Variants in LRBA observed in about 807,000 individuals in gnomAD.
LRBA encodes the protein lipopolysaccharide-responsive and beige-like anchor protein.
A neutral mutation model predicts 330.0 loss-of-function variants in LRBA; 176 were observed. The observed-to-expected ratio is 0.53, with a 90% confidence interval of 0.47 to 0.60. LRBA has a LOEUF of 0.60. LRBA is among the 20% of genes least tolerant of loss of function. The probability of loss-of-function intolerance (pLI) is 0.00; values close to 1 mark genes in which losing one functional copy is unlikely to be tolerated. For missense variants in LRBA, 3,259 were observed against 3,444.8 expected, an observed-to-expected ratio of 0.95 and a Z score of 1.35; for synonymous variants, 1,230 against 1,193.0, an observed-to-expected ratio of 1.03 and a Z score of -0.64.
At position 150,471,788 on chromosome 4, in the gene LRBA, T is replaced by C. The variant is rs566200302; in HGVS notation, c.6552-49A>G. 11 of 859,052 alleles carry C rather than the reference T, an allele frequency of 1.3e-5. No homozygotes were observed. In the East Asian group the frequency reaches 2.4e-4, roughly 19 times the overall value. 53.2% of individuals were successfully genotyped at this position (859,052 alleles called of 1,614,324 possible). A position where few individuals can be genotyped will look rare whatever the true frequency, so the allele number is the denominator to read the frequency against. On this transcript the variant is annotated intron_variant, in intron 42 of 56. Transcript: ENST00000651943. ...GATATGATTAATTATATCACAATAA[T>C]AAATCATGAATTATCTGTGCTTATT...
At chr4:150,438,079 C>A (rs1046765938) in intron 44 of LRBA, among the ~76,000 whole-genome samples, 1 of 152,184 alleles carries the variant, frequency 6.6e-6, no homozygotes, top group African/African-American at 2.4e-5. Context: ...CTTTAAGTAA[C>A]AATTCATTCT....
In LRBA at chr4:150,828,416, A is replaced by C; in HGVS notation, c.4935T>G (p.Ser1645=). 1 of 1,614,146 alleles carries C rather than the reference A, an allele frequency of 6.2e-7. No individual in the cohort carries two copies. Among genetic ancestry groups the C allele is most frequent in the Non-Finnish European group, 8.5e-7 (1 of 1,180,014 alleles). ...TTTCCGGAGACTTATTGACTTCTAA[A>C]GAAAGAGTAGATAGCACCTCGCTGA... ...DAISEVLSTL[S]LEVNKSPETK... Residue 1645 remains serine (S), a synonymous_variant, in exon 30 of 57, where the codon TCT becomes TCG. Transcript: ENST00000651943.
chr4:150,550,163 A>G (rs1444835178), intron 40 of LRBA, among the ~76,000 whole-genome samples: 1 of 152,218 alleles, frequency 6.6e-6, no homozygotes, highest in East Asian at 1.9e-4. Context: ...GATATATTAA[A>G]ATTTTATGTA....
In LRBA at chr4:150,868,083, C is replaced by A; in HGVS notation, c.2573+99G>T. 3 of 1,248,538 alleles carry A rather than the reference C, an allele frequency of 2.4e-6. No homozygotes were observed. The East Asian group carries it at 7.1e-5, about 30-fold the overall frequency. The allele number at this position is 1,248,538 out of a possible 1,614,324, so 77.3% of individuals were successfully genotyped here. A position where few individuals can be genotyped will look rare whatever the true frequency, so the allele number is the denominator to read the frequency against. On this transcript the variant is annotated intron_variant, in intron 21 of 56. Coordinates refer to ENST00000651943, the MANE Select transcript of LRBA (RefSeq NM_001364905.1). Reference sequence around the variant, plus strand: ...CTCTTAATAAAAAAAATAGAAAAATCATTTCACAGTATTTTTAAAGCAATT... The same window carrying A: ...CTCTTAATAAAAAAAATAGAAAAATAATTTCACAGTATTTTTAAAGCAATT...
chr4:150,293,631 A>T (rs1728600211), intron 53 of LRBA, among the ~76,000 whole-genome samples: 1 of 152,246 alleles, frequency 6.6e-6, no homozygotes, highest in Non-Finnish European at 1.5e-5. Flanking sequence ...AACAACTGTA[A>T]GTCCTTGGTA....
At chr4:150,832,438 A>T (rs928104982) in intron 28 of LRBA, among the ~76,000 whole-genome samples, 23 of 152,144 alleles carry the variant, frequency 1.5e-4, no homozygotes, top group Non-Finnish European at 1.8e-4. Context: ...TCTACTAAAA[A>T]TACAAAAATT....
chr4:150,434,254 C>A (rs1256603014), intron 46 of LRBA, among the ~76,000 whole-genome samples: 1 of 151,952 alleles, frequency 6.6e-6, no homozygotes, highest in Non-Finnish European at 1.5e-5. Context: ...GTACACCTTG[C>A]AGAAAGAGAC....
At chr4:150,648,286 T>C (rs1779395296) in intron 37 of LRBA, among the ~76,000 whole-genome samples, 1 of 151,526 alleles carries the variant, frequency 6.6e-6, no homozygotes, top group Admixed American at 6.6e-5. Context: ...ATACAGTGGT[T>C]TTGACAAAGA....
intron 33 of LRBA, 27 bp from the exon 34 acceptor site, chr4:150,798,169 A>C: frequency 7.0e-7 from 1 of 1,430,190 alleles, no homozygotes; most frequent in Non-Finnish European, 9.8e-7. Context: ...TTTAAAAAAG[A>C]AGTTATAAAG....
intron 34 of LRBA, among the ~76,000 whole-genome samples, chr4:150,795,879 A>G (rs1437715666): frequency 6.6e-6 from 1 of 152,004 alleles, no homozygotes; most frequent in Non-Finnish European, 1.5e-5. Flanking sequence ...TAACACAAAA[A>G]GAATATAAGT....
At chr4:150,690,672 C>T (rs1195565960) in intron 36 of LRBA, among the ~76,000 whole-genome samples, 2 of 48,900 alleles carry the variant, frequency 4.1e-5, no homozygotes, top group African/African-American at 8.4e-5. Flanking sequence ...CCTGGCTATC[C>T]ACATGAGAAA....
intron 17 of LRBA, among the ~76,000 whole-genome samples, chr4:150,890,826 G>A (rs1729386222): frequency 6.6e-6 from 1 of 152,092 alleles, no homozygotes; most frequent in South Asian, 2.1e-4. Context: ...AAAGTATAAA[G>A]TATAGACTTT....
chr4:150,658,839 T>A (rs371067772), intron 37 of LRBA, among the ~76,000 whole-genome samples: 1 of 28,814 alleles, frequency 3.5e-5, no homozygotes, highest in African/African-American at 4.9e-5. Context: ...GCTCACTGCA[T>A]CCTCCCTGCC....
At chr4:150,605,649 A>G (rs1218150445) in intron 37 of LRBA, among the ~76,000 whole-genome samples, 2 of 152,190 alleles carry the variant, frequency 1.3e-5, no homozygotes, top group African/African-American at 4.8e-5. Flanking sequence ...GTCAGCTTGA[A>G]GATAAAAAGC....
chr4:150,968,003 T>C (rs929933341), intron 2 of LRBA, among the ~76,000 whole-genome samples: 1 of 89,472 alleles, frequency 1.1e-5, no homozygotes, highest in African/African-American at 6.3e-5. Context: ...TTTGCACATC[T>C]TTTTTTTTTT....
intron 22 of LRBA, among the ~76,000 whole-genome samples, chr4:150,853,348 C>T (rs1187489740): frequency 1.6e-4 from 25 of 152,082 alleles, no homozygotes; most frequent in Admixed American, 1.6e-3. Flanking sequence ...AGGACTTGTC[C>T]GCAGGAGAGA....
intron 35 of LRBA, among the ~76,000 whole-genome samples, chr4:150,742,547 G>T (rs1012271332): frequency 6.6e-6 from 1 of 152,048 alleles, no homozygotes. Flanking sequence ...ACAATGACAT[G>T]AACTTACTCC....
intron 17 of LRBA, among the ~76,000 whole-genome samples, chr4:150,883,610 T>C (rs940761258): frequency 2.1e-4 from 32 of 152,324 alleles, no homozygotes; most frequent in Admixed American, 1.7e-3. Flanking sequence ...CAAAAATCCA[T>C]AATTTAAAAA....
chr4:150,732,951 A>G (rs1730656058), intron 36 of LRBA, among the ~76,000 whole-genome samples: 1 of 152,078 alleles, frequency 6.6e-6, no homozygotes, highest in South Asian at 2.1e-4. Flanking sequence ...TGGAGAGGCA[A>G]GTATATCCCA....
Sources: gnomAD v4.1 joint callset for allele counts (sites outside exome capture counted in the v4.1 genomes callset) on GRCh38, gnomAD v4.1.1 for gene constraint, MANE v1.5 for transcripts, NCBI Gene and HGNC (gene_info 2026-07-23, HGNC 2026-07-21) for gene names.